PDE1C: variants seen among roughly 807,000 people sequenced by gnomAD.
PDE1C encodes the protein phosphodiesterase 1C.
PDE1C carries 62 observed loss-of-function variants against 93.1 expected under a neutral mutation model. That is an observed-to-expected ratio of 0.67 (90% CI 0.54 to 0.82). The LOEUF (loss-of-function observed/expected upper bound fraction) is 0.82, where lower values mean the gene tolerates loss of function less well. PDE1C is among the 40% of genes least tolerant of loss of function. PDE1C has a pLI of 0.00. For missense variants in PDE1C, 742 were observed against 884.6 expected (o/e 0.84, Z 2.04); for synonymous variants, 325 against 310.1 (o/e 1.05, Z -0.50).
intron 2 of PDE1C, among the ~76,000 whole-genome samples, chr7:31,904,816 A>G (rs1800393092): frequency 1.3e-5 from 2 of 152,178 alleles, no homozygotes; most frequent in Admixed American, 1.3e-4. Flanking sequence ...TCCTCTGTCA[A>G]TCAACCATAT....
At chr7:31,738,195 A>G in the PDE1C span, among the ~76,000 whole-genome samples, 4 of 152,202 alleles carry the variant, frequency 2.6e-5, no homozygotes, top group African/African-American at 7.2e-5. Context: ...GAGAGGATAC[A>G]TGAGCCCAAT....
chr7:31,888,249 CAAAAAAAAAAA>C (rs34112969), intron 2 of PDE1C, among the ~76,000 whole-genome samples: 4 of 44,224 alleles, frequency 9.0e-5, no homozygotes, highest in African/African-American at 1.6e-4. Context: ...GACTCAGTCT[CAAAAAAAAAAA>C]AAAAAAAAAA....
the PDE1C span, among the ~76,000 whole-genome samples, chr7:31,622,250 C>G: frequency 1.3e-5 from 2 of 148,808 alleles, no homozygotes; most frequent in South Asian, 2.2e-4. Context: ...CTGCACCAAG[C>G]GGACCTAATA....
intron 2 of PDE1C, among the ~76,000 whole-genome samples, chr7:31,975,388 C>T (rs149694534): frequency 1.8e-3 from 267 of 152,090 alleles, no homozygotes; most frequent in South Asian, 5.6e-3. Context: ...TCAAAATGTC[C>T]GTGTAGCACC....
downstream of PDE1C, among the ~76,000 whole-genome samples, chr7:31,746,744 A>C (rs1487340613): frequency 3.3e-5 from 5 of 152,224 alleles, no homozygotes. Context: ...TCAGATATCC[A>C]CAGAAGTAGG....
At chr7:32,236,306 T>C (rs549495135) in intron 1 of PDE1C, among the ~76,000 whole-genome samples, 11 of 152,182 alleles carry the variant, frequency 7.2e-5, no homozygotes, top group Non-Finnish European at 1.2e-4. Flanking sequence ...AAAAATAAAC[T>C]AGATTGCATC....
chr7:32,157,644 C>T (rs1408845178), intron 3 of PDE1C, among the ~76,000 whole-genome samples: 1 of 152,074 alleles, frequency 6.6e-6, no homozygotes, highest in Non-Finnish European at 1.5e-5. Flanking sequence ...GATTAAGTTT[C>T]CTGACTATGG....
intron 1 of PDE1C, among the ~76,000 whole-genome samples, chr7:32,289,092 A>T (rs754264546): frequency 6.6e-6 from 1 of 152,178 alleles, no homozygotes; most frequent in Non-Finnish European, 1.5e-5. Flanking sequence ...ATTAACAAAC[A>T]AGATTCAGAA....
chr7:31,887,839 A>C (rs1008420363), intron 2 of PDE1C, among the ~76,000 whole-genome samples: 1 of 152,260 alleles, frequency 6.6e-6, no homozygotes, highest in Non-Finnish European at 1.5e-5. Flanking sequence ...ATGGAAATTT[A>C]GAAATAGATT....
At position 31,888,781 on chromosome 7, in the gene PDE1C, A is replaced by T. The variant is rs140636643; in HGVS notation, c.129-7921T>A. On this transcript the variant is annotated intron_variant, in intron 2 of 17. Transcript: ENST00000396191. The stretch of plus-strand genomic sequence containing the variant: ...TCACCAGTTCAACAAAGAAAGAAGA[A>T]ATAATAGACATAGGACTGGAAAAAA... Among the ~76,000 whole-genome samples the T allele has an allele frequency of 2.7e-3, 418 of 152,266 alleles. 3 individuals carry two copies. The highest frequency in any genetic ancestry group is 9.8e-3 in the African/African-American group (409 of 41,564).
intron 2 of PDE1C, among the ~76,000 whole-genome samples, chr7:32,001,991 G>A (rs1468329507): frequency 3.9e-5 from 6 of 152,108 alleles, no homozygotes; most frequent in South Asian, 2.1e-4. Context: ...CCCAGGAGGT[G>A]GAGGTTGCAG....
chr7:32,177,545 C>T (rs1803094559), intron 2 of PDE1C, among the ~76,000 whole-genome samples: 2 of 152,114 alleles, frequency 1.3e-5, no homozygotes, highest in South Asian at 4.2e-4. Context: ...CCAGAGTCTG[C>T]ACCCCCAACC....
chr7:32,165,528 G>A (rs890533515), intron 3 of PDE1C, among the ~76,000 whole-genome samples: 15 of 152,194 alleles, frequency 9.9e-5, no homozygotes, highest in Non-Finnish European at 2.1e-4. Context: ...AGGTGAAGAG[G>A]AAGTAAGGAC....
In PDE1C at chr7:31,971,024, C is replaced by T. The variant is rs146465123; in HGVS notation, c.128+80530G>A. ...AGGTGTGGTAGCACATGCCTGTAATCCCAGCTACTCCAGGGGCTGAGGTAG... is the reference window on the plus strand; with the variant it reads ...AGGTGTGGTAGCACATGCCTGTAATTCCAGCTACTCCAGGGGCTGAGGTAG... On this transcript the variant is annotated intron_variant, in intron 2 of 17. Transcript: ENST00000396191. 2.0e-3 allele frequency among the ~76,000 whole-genome samples: 304 copies of T among 152,264 alleles called. 2 individuals are homozygous for T. Among genetic ancestry groups the T allele is most frequent in the African/African-American group, 7.0e-3 (292 of 41,544 alleles).
At chr7:32,051,982 T>C (rs1429417002) in intron 1 of PDE1C, among the ~76,000 whole-genome samples, 2 of 152,204 alleles carry the variant, frequency 1.3e-5, no homozygotes, top group African/African-American at 4.8e-5. Context: ...ACTTCTTTTA[T>C]CTGGCACATA....
intron 2 of PDE1C, among the ~76,000 whole-genome samples, chr7:31,956,551 C>T (rs1396344576): frequency 3.3e-5 from 5 of 151,240 alleles, no homozygotes; most frequent in Admixed American, 2.0e-4. Flanking sequence ...AACAGGCAGA[C>T]GAGCCCTGTT....
the PDE1C span, among the ~76,000 whole-genome samples, chr7:31,623,808 T>C: frequency 2.6e-5 from 4 of 152,152 alleles, no homozygotes; most frequent in East Asian, 7.7e-4. Context: ...GGGTATTCAA[T>C]TAGGAAAAGA....
intron 1 of PDE1C, among the ~76,000 whole-genome samples, chr7:32,297,141 C>A (rs181218458): frequency 3.9e-5 from 6 of 152,258 alleles, no homozygotes; most frequent in Non-Finnish European, 8.8e-5. Flanking sequence ...TAGGCAAAGG[C>A]TCAGATGGGT....
At chr7:31,866,788 C>T (rs940786749) in intron 6 of PDE1C, among the ~76,000 whole-genome samples, 1 of 152,104 alleles carries the variant, frequency 6.6e-6, no homozygotes, top group African/African-American at 2.4e-5. Context: ...GAGAGGCTAT[C>T]TCTCCAGCGA....
Sources: gnomAD v4.1 joint callset for allele counts (sites outside exome capture counted in the v4.1 genomes callset) on GRCh38, gnomAD v4.1.1 for gene constraint, MANE v1.5 for transcripts, NCBI Gene and HGNC (gene_info 2026-07-23, HGNC 2026-07-21) for gene names.